The following PRKAR1B variants were observed in gnomAD, a reference collection of about 807,000 sequenced individuals.
PRKAR1B encodes cAMP-dependent protein kinase type I-beta regulatory subunit.
Under a neutral mutation model 46.5 loss-of-function variants are expected in PRKAR1B, and 22 were observed. The observed-to-expected ratio is 0.47, with a 90% CI of 0.34 to 0.68. The LOEUF (loss-of-function observed/expected upper bound fraction) is 0.68, where lower values mean the gene tolerates loss of function less well. Ranked by LOEUF, PRKAR1B falls within the 30% of genes least tolerant of loss-of-function variation. The pLI is 0.01. For synonymous variants in PRKAR1B, 259 were observed against 217.7 expected (o/e 1.19, Z -1.67); for missense variants, 445 against 535.6 (o/e 0.83, Z 1.67).
intron 9 of PRKAR1B, among the ~76,000 whole-genome samples, chr7:553,596 C>T (rs1784384383): frequency 6.6e-6 from 1 of 152,220 alleles, no homozygotes; most frequent in Non-Finnish European, 1.5e-5. Flanking sequence ...AGACGGCGGC[C>T]CTCTGAGAGC....
At chr7:621,777 C>T (rs1783118971) in intron 4 of PRKAR1B, among the ~76,000 whole-genome samples, 1 of 152,150 alleles carries the variant, frequency 6.6e-6, no homozygotes, top group South Asian at 2.1e-4. Flanking sequence ...AGAGTTAAGC[C>T]ATCTGTAAAA....
chr7:698,694 G>T (rs1779902854), intron 2 of PRKAR1B, among the ~76,000 whole-genome samples: 1 of 151,940 alleles, frequency 6.6e-6, no homozygotes, highest in South Asian at 2.1e-4. Flanking sequence ...GTATGTCCAG[G>T]TGTGCGCACA....
chr7:711,386 G>A lies in PRKAR1B; in HGVS notation c.120C>T (p.Ile40=). 6.2e-7 allele frequency: 1 copy of A among 1,614,238 alleles called. No homozygotes were observed. The highest frequency in any genetic ancestry group is 8.5e-7 in the Non-Finnish European group (1 of 1,180,022). Residue 40 remains isoleucine (I), a synonymous_variant, in exon 2 of 11, where the codon ATC becomes ATT. Coordinates refer to ENST00000537384, the MANE Select transcript of PRKAR1B (RefSeq NM_001164760.2). ...VLKDCIVHLC[I]SKPERPMKFL... is the part of the protein sequence containing the mutation. The stretch of plus-strand genomic sequence containing the variant: ...ACTTCATGGGGCGTTCGGGCTTGGA[G>A]ATGCAGAGGTGGACGATACAGTCTT...
At position 717,025 on chromosome 7, in the gene PRKAR1B, T is replaced by G. The variant is rs181006119; in HGVS notation, c.-22-5498A>C. Among the ~76,000 whole-genome samples, 528 of 152,252 alleles carry G rather than the reference T, an allele frequency of 3.5e-3. 4 individuals carry two copies. The highest frequency in any genetic ancestry group is 0.011 in the African/African-American group (464 of 41,550). On this transcript the variant is annotated intron_variant, in intron 1 of 10. Transcript: ENST00000537384. ...TTATTCTCCAGCCGGGCGCAGTGCCTCCCACCTGTAATCCCAGCACTTTGG... is the reference window on the plus strand; with the variant it reads ...TTATTCTCCAGCCGGGCGCAGTGCCGCCCACCTGTAATCCCAGCACTTTGG...
intron 8 of PRKAR1B, among the ~76,000 whole-genome samples, chr7:584,115 A>T (rs1780464275): frequency 6.6e-6 from 1 of 152,194 alleles, no homozygotes; most frequent in Non-Finnish European, 1.5e-5. Context: ...AGCACAGGTC[A>T]GGGAAAGCAG....
intron 1 of PRKAR1B, chr7:726,923 C>G: frequency 1.5e-6 from 2 of 1,347,634 alleles, no homozygotes; most frequent in Non-Finnish European, 1.9e-6. Context: ...GACCCCACCG[C>G]TTTCCAGGGC....
intron 2 of PRKAR1B, among the ~76,000 whole-genome samples, chr7:689,256 G>A (rs762853334): frequency 1.3e-5 from 2 of 151,868 alleles, no homozygotes; most frequent in Non-Finnish European, 2.9e-5. Flanking sequence ...CAAGTAGCTG[G>A]GACTACAGGC....
rs1304594445 is a variant in PRKAR1B at position 586,115 on chromosome 7, A to G, written c.709-1547T>C. ...CCATCCTGGGCCCCTGAGGAGCATC[A>G]GTAAGAGAAAGCTGGTTCTCGGGCC... On this transcript the variant is annotated intron_variant, in intron 7 of 10. Coordinates refer to ENST00000537384, the MANE Select transcript of PRKAR1B (RefSeq NM_001164760.2). 3.3e-5 allele frequency among the ~76,000 whole-genome samples: 5 copies of G among 152,150 alleles called. 1 individual carries two copies. Among genetic ancestry groups the G allele is most frequent in the Admixed American group, 6.5e-5 (1 of 15,278 alleles).
intron 7 of PRKAR1B, among the ~76,000 whole-genome samples, chr7:586,550 C>A (rs1378963399): frequency 2.0e-5 from 3 of 152,208 alleles, no homozygotes; most frequent in Non-Finnish European, 4.4e-5. Context: ...TCCTCTGCCC[C>A]ATAAGACCTT....
chr7:584,607 T>C, intron 7 of PRKAR1B, 39 bp from the exon 8 acceptor site: 1 of 1,534,756 alleles, frequency 6.5e-7, no homozygotes, highest in Non-Finnish European at 9.0e-7. Flanking sequence ...AGAAGGTGAA[T>C]CTTCATACCT....
At chr7:584,764 C>T (rs9330366) in intron 7 of PRKAR1B, among the ~76,000 whole-genome samples, 196 bp from the exon 8 acceptor site, 101,359 of 151,920 alleles carry the variant, frequency 0.67, 34,803 homozygotes, top group South Asian at 0.86. Flanking sequence ...TCCCTCCTCC[C>T]GGGGGGCTTC....
At chr7:622,705 G>A (rs958273208) in intron 4 of PRKAR1B, among the ~76,000 whole-genome samples, 3 of 152,148 alleles carry the variant, frequency 2.0e-5, no homozygotes, top group Admixed American at 2.0e-4. Context: ...CAGAGAATGT[G>A]CATATGTGTA....
intron 4 of PRKAR1B, among the ~76,000 whole-genome samples, chr7:612,882 C>T (rs1005860495): frequency 2.6e-5 from 4 of 151,906 alleles, no homozygotes; most frequent in Non-Finnish European, 4.4e-5. Flanking sequence ...TAATATTCAC[C>T]GAAGCACTGT....
intron 2 of PRKAR1B, among the ~76,000 whole-genome samples, chr7:682,757 AT>A (rs1040969825): frequency 2.0e-5 from 3 of 151,076 alleles, no homozygotes; most frequent in Non-Finnish European, 3.0e-5. Context: ...AAAAAAAAAA[AT>A]TGTTTTAAGG....
chr7:562,962 G>A (rs1042146341), intron 9 of PRKAR1B, among the ~76,000 whole-genome samples: 16 of 152,212 alleles, frequency 1.1e-4, no homozygotes, highest in African/African-American at 3.6e-4. Context: ...AACAGACATT[G>A]AGTCCTTCCA....
rs1784116811 is a variant in PRKAR1B at position 550,558 on chromosome 7, CGACAG to C, written c.1013_1017del (p.Thr338SerfsTer25). 4 of 1,599,396 alleles carry C rather than the reference CGACAG, an allele frequency of 2.5e-6. No individual in the cohort carries two copies. The East Asian group carries it at 9.0e-5, about 36-fold the overall frequency. On this transcript the variant is annotated frameshift_variant, in exon 11 of 11. Coordinates refer to ENST00000537384, the MANE Select transcript of PRKAR1B (RefSeq NM_001164760.2). LOFTEE classifies it high-confidence loss of function. ...ACACACTTGAGGGGCCCCCGGGCCACGACAGTGGCCGCCCGGGGCCGGTTCAGCAG... is the reference window on the plus strand; with the variant it reads ...ACACACTTGAGGGGCCCCCGGGCCACTGGCCGCCCGGGGCCGGTTCAGCAG...
intron 4 of PRKAR1B, among the ~76,000 whole-genome samples, chr7:640,802 A>ACACACACACACACC (rs1784349406): frequency 7.9e-6 from 1 of 126,566 alleles, no homozygotes; most frequent in Admixed American, 7.8e-5. Flanking sequence ...ACACACACAC[A>ACACACACACACACC]CACACAGACA....
At chr7:584,795 T>C (rs1394463090) in intron 7 of PRKAR1B, among the ~76,000 whole-genome samples, 1 of 152,114 alleles carries the variant, frequency 6.6e-6, no homozygotes, top group Non-Finnish European at 1.5e-5. Context: ...CCCGGCATGG[T>C]TGCTAAGTGT....
At chr7:552,857 G>A (rs1434217292) in intron 9 of PRKAR1B, among the ~76,000 whole-genome samples, 3 of 152,360 alleles carry the variant, frequency 2.0e-5, no homozygotes, top group East Asian at 1.9e-4. Context: ...GGAGGGGGGC[G>A]CTGTCTCAGG....
Sources: gnomAD v4.1 joint callset for allele counts (sites outside exome capture counted in the v4.1 genomes callset) on GRCh38, gnomAD v4.1.1 for gene constraint, MANE v1.5 for transcripts, NCBI Gene and HGNC (gene_info 2026-07-23, HGNC 2026-07-21) for gene names.